Variants in ZNF804B observed in about 807,000 individuals in gnomAD.
ZNF804B encodes the protein zinc finger 804B.
In ZNF804B, 80 loss-of-function variants were observed where a neutral mutation model predicts 101.4. The observed-to-expected ratio is 0.79, with a 90% CI of 0.66 to 0.95. The LOEUF is 0.95. Among genes scored for constraint, ZNF804B ranks in the 40% least tolerant of loss-of-function variants. The pLI is 0.00. For missense variants in ZNF804B, 1,673 were observed against 1,561.9 expected, an observed-to-expected ratio of 1.07 and a Z score of -1.20; for synonymous variants, 622 against 558.8, an observed-to-expected ratio of 1.11 and a Z score of -1.59.
At chr7:89,313,785 T>C (rs749782271) in intron 2 of ZNF804B, among the ~76,000 whole-genome samples, 3 of 152,166 alleles carry the variant, frequency 2.0e-5, no homozygotes, top group Non-Finnish European at 4.4e-5. Flanking sequence ...TTGTGAAAAG[T>C]GGAGAGGATA....
chr7:88,878,117 T>C (rs559151373), intron 1 of ZNF804B, among the ~76,000 whole-genome samples: 6 of 152,346 alleles, frequency 3.9e-5, no homozygotes, highest in Admixed American at 6.5e-5. Flanking sequence ...TTAGCTTAGA[T>C]AATACTTCTA....
At chr7:89,145,126 C>A (rs6465184) in intron 1 of ZNF804B, among the ~76,000 whole-genome samples, 107,688 of 151,482 alleles carry the variant, frequency 0.71, 38,779 homozygotes, top group African/African-American at 0.81. Flanking sequence ...TAATTTAATT[C>A]AAAAAAACGA....
At chr7:88,927,638 C>G (rs1792826379) in intron 1 of ZNF804B, among the ~76,000 whole-genome samples, 1 of 152,080 alleles carries the variant, frequency 6.6e-6, no homozygotes, top group South Asian at 2.1e-4. Flanking sequence ...CTCTTGCTCT[C>G]TCTCTCTCTC....
chr7:89,078,044 A>G (rs773631157), intron 1 of ZNF804B, among the ~76,000 whole-genome samples: 11 of 152,138 alleles, frequency 7.2e-5, no homozygotes, highest in Non-Finnish European at 1.2e-4. Flanking sequence ...TACTCTAATT[A>G]AAAAATTCTA....
At chr7:89,058,915 A>C (rs1789335143) in intron 1 of ZNF804B, among the ~76,000 whole-genome samples, 1 of 151,932 alleles carries the variant, frequency 6.6e-6, no homozygotes, top group South Asian at 2.1e-4. Context: ...GCTGGTCTCT[A>C]ACTCCTGCGT....
chr7:89,191,979 A>C (rs1415236865), intron 1 of ZNF804B, among the ~76,000 whole-genome samples: 1 of 152,076 alleles, frequency 6.6e-6, no homozygotes, highest in Non-Finnish European at 1.5e-5. Flanking sequence ...ATAAGAAATA[A>C]TTATAAACTC....
chr7:88,854,537 T>TCCTTCCTC (rs1791523325), intron 1 of ZNF804B, among the ~76,000 whole-genome samples: 1 of 95,142 alleles, frequency 1.1e-5, no homozygotes, highest in Non-Finnish European at 2.0e-5. Context: ...TTTCCTTCCT[T>TCCTTCCTC]CCTTCCTTCC....
chr7:89,166,313 A>C (rs1199576111), intron 1 of ZNF804B, among the ~76,000 whole-genome samples: 1 of 152,210 alleles, frequency 6.6e-6, no homozygotes, highest in Non-Finnish European at 1.5e-5. Context: ...ATCCAGGTAT[A>C]ATTTTAAAAC....
rs1261746760 is a variant in ZNF804B at position 89,042,696 on chromosome 7, A to G, written c.109-175459A>G. ...CTAGCCCTGCTCTGAAGGATTGGATACGAATGTGTTTTACTCCTTGAATTC... is the reference window on the plus strand; with the variant it reads ...CTAGCCCTGCTCTGAAGGATTGGATGCGAATGTGTTTTACTCCTTGAATTC... On this transcript the variant is annotated intron_variant, in intron 1 of 3. Transcript: ENST00000333190. Among the ~76,000 whole-genome samples, 3 of 152,332 alleles carry G rather than the reference A, an allele frequency of 2.0e-5. No individual in the cohort carries two copies. In the East Asian group the frequency reaches 5.8e-4, roughly 29 times the overall value.
chr7:89,026,135 A>G (rs977805058), intron 1 of ZNF804B, among the ~76,000 whole-genome samples: 16 of 152,130 alleles, frequency 1.1e-4, no homozygotes, highest in Non-Finnish European at 2.1e-4. Context: ...AGCATTGGTA[A>G]TTTAATAGCA....
chr7:89,234,339 T>C (rs1789245994), intron 2 of ZNF804B, among the ~76,000 whole-genome samples: 1 of 152,118 alleles, frequency 6.6e-6, no homozygotes. Flanking sequence ...TGTATTAAAT[T>C]GACTACTACT....
intron 1 of ZNF804B, among the ~76,000 whole-genome samples, chr7:89,179,790 C>A (rs1788268600): frequency 6.6e-6 from 1 of 152,150 alleles, no homozygotes; most frequent in Admixed American, 6.5e-5. Context: ...CTTTAGAAGA[C>A]TTTCCAAATA....
At chr7:88,872,513 C>A (rs1791844266) in intron 1 of ZNF804B, among the ~76,000 whole-genome samples, 1 of 151,826 alleles carries the variant, frequency 6.6e-6, no homozygotes, top group Non-Finnish European at 1.5e-5. Flanking sequence ...TACGTGTGCA[C>A]AATGTGCAGG....
intron 1 of ZNF804B, among the ~76,000 whole-genome samples, chr7:89,199,230 G>T (rs1043518601): frequency 2.6e-5 from 4 of 151,814 alleles, no homozygotes; most frequent in African/African-American, 9.7e-5. Flanking sequence ...TTGGGTGCCA[G>T]TTATGGGAGG....
intron 2 of ZNF804B, among the ~76,000 whole-genome samples, chr7:89,268,659 C>T (rs1473808792): frequency 2.0e-5 from 3 of 150,018 alleles, no homozygotes; most frequent in African/African-American, 4.9e-5. Context: ...TTTTCCTTCA[C>T]GCAGCTCGGG....
At chr7:89,232,189 C>T (rs766309015) in intron 2 of ZNF804B, among the ~76,000 whole-genome samples, 1 of 152,006 alleles carries the variant, frequency 6.6e-6, no homozygotes, top group South Asian at 2.1e-4. Context: ...GAGATGAATG[C>T]GTGGTGCTTG....
chr7:89,053,314 G>A (rs1789237484), intron 1 of ZNF804B, among the ~76,000 whole-genome samples: 1 of 152,032 alleles, frequency 6.6e-6, no homozygotes, highest in Middle Eastern at 3.2e-3. Flanking sequence ...TCTTGTTGCT[G>A]TACTCAGTGG....
At chr7:89,323,343 A>G (rs928242937) in intron 2 of ZNF804B, among the ~76,000 whole-genome samples, 13 of 152,244 alleles carry the variant, frequency 8.5e-5, no homozygotes, top group African/African-American at 3.1e-4. Context: ...AATACAGACC[A>G]ATATCACACA....
At chr7:88,952,469 G>C (rs1165858525) in intron 1 of ZNF804B, among the ~76,000 whole-genome samples, 1 of 149,570 alleles carries the variant, frequency 6.7e-6, no homozygotes, top group African/African-American at 2.4e-5. Context: ...GTGCAAATTT[G>C]ATTTGTGTTA....
Sources: allele counts gnomAD v4.1 joint callset (sites outside exome capture counted in the v4.1 genomes callset), GRCh38; gene constraint gnomAD v4.1.1; transcripts MANE v1.5; gene names NCBI Gene and HGNC (gene_info 2026-07-23, HGNC 2026-07-21).